NDUFAF2: variants seen among roughly 807,000 people sequenced by gnomAD.
NDUFAF2 encodes NADH:ubiquinone oxidoreductase complex assembly factor 2, also known as NADH dehydrogenase [ubiquinone] 1 alpha subcomplex assembly factor 2.
In NDUFAF2, 13 loss-of-function variants were observed where a neutral mutation model predicts 22.8. The ratio of observed to expected loss-of-function variants is 0.57; its 90% CI spans 0.37 to 0.91. The LOEUF is 0.91. Ranked by LOEUF, NDUFAF2 falls within the 40% of genes least tolerant of loss-of-function variation. The pLI is 0.01. For missense variants in NDUFAF2, 162 were observed against 195.2 expected (o/e 0.83, Z 1.01); for synonymous variants, 53 against 64.2 (o/e 0.83, Z 0.84).
chr5:60,983,606 G>C (rs1042315562), intron 1 of NDUFAF2, among the ~76,000 whole-genome samples: 3 of 150,870 alleles, frequency 2.0e-5, no homozygotes, highest in Non-Finnish European at 2.9e-5. Flanking sequence ...TCCAGTTTCA[G>C]CTTTCTACGT....
At chr5:61,106,318 A>G (rs1752761890) in intron 3 of NDUFAF2, among the ~76,000 whole-genome samples, 1 of 151,456 alleles carries the variant, frequency 6.6e-6, no homozygotes, top group Non-Finnish European at 1.5e-5. Flanking sequence ...AGTTGTACTA[A>G]GTAGGGCAGA....
At position 61,058,231 on chromosome 5, in the gene NDUFAF2, A is replaced by G. The variant is rs571108965; in HGVS notation, c.128-14894A>G. Among the ~76,000 whole-genome samples, 18 of 152,192 alleles carry G rather than the reference A, an allele frequency of 1.2e-4. No homozygotes were observed. In the South Asian group the frequency reaches 3.5e-3, roughly 30 times the overall value. The stretch of plus-strand genomic sequence containing the variant: ...GCTTTTCACATACTATAATTTTATA[A>G]TTCTCTAAATTCTAGTAATATTTGC... On this transcript the variant is annotated intron_variant, in intron 1 of 3. Coordinates refer to ENST00000296597, the MANE Select transcript of NDUFAF2 (RefSeq NM_174889.5).
At position 61,109,624 on chromosome 5, in the gene NDUFAF2, T is replaced by C. The variant is rs547784889; in HGVS notation, c.258+10592T>C. Among the ~76,000 whole-genome samples the C allele has an allele frequency of 5.5e-4, 83 of 152,266 alleles. 1 individual carries two copies. The highest frequency in any genetic ancestry group is 1.9e-3 in the African/African-American group (81 of 41,564). ...CATCTTGAATTGTAATCCCCAGGTG[T>C]TTAGGAAAAGACCTAGTAGGAAATA... On this transcript the variant is annotated intron_variant, in intron 3 of 3. Transcript: ENST00000296597.
chr5:61,049,482 A>G lies in NDUFAF2; in HGVS notation c.128-23643A>G, dbSNP rs577607652. Among the ~76,000 whole-genome samples the G allele has an allele frequency of 2.0e-5, 3 of 152,230 alleles. No homozygotes were observed. In the East Asian group the frequency reaches 5.8e-4, roughly 29 times the overall value. ...TAACATAAAATTTACTATCTTAATC[A>G]TTTCTTAGGCTGTAGTTCAGTGGTA... On this transcript the variant is annotated intron_variant, in intron 1 of 3. Coordinates refer to ENST00000296597, the MANE Select transcript of NDUFAF2 (RefSeq NM_174889.5).
intron 2 of NDUFAF2, among the ~76,000 whole-genome samples, chr5:61,092,751 A>ACAAGTAGTGAGAGAGGGCAT (rs1752584224): frequency 6.6e-6 from 1 of 151,926 alleles, no homozygotes; most frequent in Admixed American, 6.6e-5. Context: ...ACTATGTTGA[A>ACAAGTAGTGAGAGAGGGCAT]TACAAGTAGT....
intron 1 of NDUFAF2, among the ~76,000 whole-genome samples, chr5:61,052,333 C>T (rs765047264): frequency 1.4e-4 from 21 of 151,988 alleles, no homozygotes; most frequent in African/African-American, 4.6e-4. Context: ...TCTTTTGAGA[C>T]GGAGTCTTGC....
intron 1 of NDUFAF2, among the ~76,000 whole-genome samples, chr5:61,005,119 G>A (rs1420230430): frequency 6.6e-6 from 1 of 151,918 alleles, no homozygotes; most frequent in African/African-American, 2.4e-5. Context: ...CCCGGTGTGC[G>A]ATGTTCCCCA....
At chr5:61,020,547 A>ATGTGTGTG (rs68178917) in intron 1 of NDUFAF2, among the ~76,000 whole-genome samples, 68 of 148,038 alleles carry the variant, frequency 4.6e-4, no homozygotes, top group African/African-American at 1.5e-3. Context: ...GGGTTTTGTT[A>ATGTGTGTG]TGTGTGTGTG....
intron 2 of NDUFAF2, among the ~76,000 whole-genome samples, chr5:61,087,181 C>A (rs929376566): frequency 6.6e-6 from 1 of 152,028 alleles, no homozygotes; most frequent in African/African-American, 2.4e-5. Flanking sequence ...GTACTCTCTC[C>A]CTGAGCATGC....
At chr5:60,955,733 TG>T (rs1750606960) in intron 1 of NDUFAF2, among the ~76,000 whole-genome samples, 1 of 152,202 alleles carries the variant, frequency 6.6e-6, no homozygotes, top group South Asian at 2.1e-4. Flanking sequence ...TATTCCTGTC[TG>T]CTTGAAAGCA....
At chr5:61,140,500 C>T (rs1741037696) in intron 3 of NDUFAF2, among the ~76,000 whole-genome samples, 1 of 152,156 alleles carries the variant, frequency 6.6e-6, no homozygotes, top group Admixed American at 6.5e-5. Flanking sequence ...AACAAAAATA[C>T]AGCATACCCA....
At chr5:60,995,661 G>C (rs1429884767) in intron 1 of NDUFAF2, among the ~76,000 whole-genome samples, 1 of 152,172 alleles carries the variant, frequency 6.6e-6, no homozygotes, top group Non-Finnish European at 1.5e-5. Context: ...CTTGCCCAAG[G>C]CCTGCTGTAA....
At chr5:61,065,950 A>AT (rs1033987140) in intron 1 of NDUFAF2, among the ~76,000 whole-genome samples, 57 of 152,154 alleles carry the variant, frequency 3.7e-4, no homozygotes, top group African/African-American at 1.3e-3. Flanking sequence ...AAATTTTAAG[A>AT]TTTTAGCAAA....
At chr5:61,114,558 A>C (rs1339781111) in intron 3 of NDUFAF2, 1 of 151,968 alleles carries the variant, frequency 6.6e-6, no homozygotes, top group Non-Finnish European at 1.5e-5. Flanking sequence ...TCCTTTGATG[A>C]GGTTTTGTTT....
At chr5:60,957,071 A>G (rs761061569) in intron 1 of NDUFAF2, among the ~76,000 whole-genome samples, 1 of 152,140 alleles carries the variant, frequency 6.6e-6, no homozygotes, top group African/African-American at 2.4e-5. Flanking sequence ...AGGGTGTTTT[A>G]TACCTTTTGT....
At chr5:60,995,880 A>G (rs1248344127) in intron 1 of NDUFAF2, among the ~76,000 whole-genome samples, 1 of 152,186 alleles carries the variant, frequency 6.6e-6, no homozygotes, top group Non-Finnish European at 1.5e-5. Context: ...AAACCACAAG[A>G]TTCAGTCCTT....
intron 1 of NDUFAF2, among the ~76,000 whole-genome samples, chr5:60,988,729 GT>G (rs1751116952): frequency 6.6e-6 from 1 of 152,184 alleles, no homozygotes; most frequent in African/African-American, 2.4e-5. Flanking sequence ...CTAGGTATAT[GT>G]GGAAGACTGA....
chr5:60,989,270 A>G (rs975744867), intron 1 of NDUFAF2, among the ~76,000 whole-genome samples: 1 of 152,142 alleles, frequency 6.6e-6, no homozygotes, highest in African/African-American at 2.4e-5. Flanking sequence ...CAGATGCTGG[A>G]GGGGTTATAG....
At chr5:61,046,798 T>A (rs1297586011) in intron 1 of NDUFAF2, among the ~76,000 whole-genome samples, 2 of 152,186 alleles carry the variant, frequency 1.3e-5, no homozygotes, top group Non-Finnish European at 2.9e-5. Flanking sequence ...GGATCCAAGC[T>A]GGGCTACATA....
Sources: allele counts gnomAD v4.1 joint callset (sites outside exome capture counted in the v4.1 genomes callset), GRCh38; gene constraint gnomAD v4.1.1; transcripts MANE v1.5; gene names NCBI Gene and HGNC (gene_info 2026-07-23, HGNC 2026-07-21).